The following EPHA6 variants were observed in gnomAD, a reference collection of about 807,000 sequenced individuals.
EPHA6 encodes the protein EPH receptor A6, also known as ephrin type-A receptor 6.
EPHA6 carries 50 observed loss-of-function variants against 112.0 expected under a neutral mutation model. The observed-to-expected ratio is 0.45, with a 90% CI of 0.36 to 0.56. The LOEUF is 0.56. Among genes scored for constraint, EPHA6 ranks in the 20% least tolerant of loss-of-function variants. EPHA6 has a pLI of 0.00. For missense variants in EPHA6, 1,280 were observed against 1,417.4 expected, an observed-to-expected ratio of 0.90 and a Z score of 1.56; for synonymous variants, 529 against 490.7, an observed-to-expected ratio of 1.08 and a Z score of -1.03.
intron 1 of EPHA6, among the ~76,000 whole-genome samples, chr3:96,832,011 G>A (rs920246077): frequency 6.6e-6 from 1 of 152,006 alleles, no homozygotes; most frequent in African/African-American, 2.4e-5. Context: ...AGTGGGTCAA[G>A]CCCCTGCATC....
At chr3:96,975,032 G>A (rs2042466853) in intron 2 of EPHA6, among the ~76,000 whole-genome samples, 1 of 152,092 alleles carries the variant, frequency 6.6e-6, no homozygotes, top group South Asian at 2.1e-4. Flanking sequence ...GGGCAATCTA[G>A]GCTAGAGCCT....
At chr3:97,067,833 G>A (rs2046226002) in intron 3 of EPHA6, among the ~76,000 whole-genome samples, 1 of 151,928 alleles carries the variant, frequency 6.6e-6, no homozygotes, top group African/African-American at 2.4e-5. Context: ...GAGGTAAGTA[G>A]CACTAGTTCA....
chr3:97,124,020 G>T (rs1259831570), intron 3 of EPHA6, among the ~76,000 whole-genome samples: 2 of 151,962 alleles, frequency 1.3e-5, no homozygotes, highest in Non-Finnish European at 2.9e-5. Context: ...TCTATGGAAT[G>T]CATTTGTATC....
chr3:97,612,374 T>C, intron 13 of EPHA6: 2 of 404,806 alleles, frequency 4.9e-6, no homozygotes, highest in South Asian at 1.8e-5. Context: ...TATTTTTGTA[T>C]CAGCTGTATC....
chr3:96,870,245 A>G (rs988827756), intron 2 of EPHA6, among the ~76,000 whole-genome samples: 5 of 152,040 alleles, frequency 3.3e-5, no homozygotes, highest in Admixed American at 6.6e-5. Context: ...AAGAACGAGG[A>G]AAGTTGGTGG....
At chr3:96,997,433 A>G (rs1311676428) in intron 3 of EPHA6, among the ~76,000 whole-genome samples, 1 of 151,990 alleles carries the variant, frequency 6.6e-6, no homozygotes, top group Non-Finnish European at 1.5e-5. Flanking sequence ...TTTAAGTAAG[A>G]GAAGTGTATC....
intron 3 of EPHA6, among the ~76,000 whole-genome samples, chr3:97,058,088 G>T (rs1313218704): frequency 6.6e-6 from 1 of 152,046 alleles, no homozygotes; most frequent in Admixed American, 6.6e-5. Flanking sequence ...GACCATTGCA[G>T]AGAGAAATAG....
chr3:96,957,546 A>G (rs182375597), intron 2 of EPHA6, among the ~76,000 whole-genome samples: 1 of 152,240 alleles, frequency 6.6e-6, no homozygotes, highest in Non-Finnish European at 1.5e-5. Context: ...ACTAGAAGTT[A>G]TTAAATTTCA....
intron 3 of EPHA6, among the ~76,000 whole-genome samples, chr3:97,148,493 A>G (rs2076095023): frequency 6.6e-6 from 1 of 152,092 alleles, no homozygotes; most frequent in Non-Finnish European, 1.5e-5. Flanking sequence ...TCTTTTTCAA[A>G]AATTTGAGGG....
chr3:97,272,643 T>C (rs2079927386), intron 5 of EPHA6, among the ~76,000 whole-genome samples: 1 of 151,554 alleles, frequency 6.6e-6, no homozygotes, highest in Non-Finnish European at 1.5e-5. Context: ...GGGGGTGTTC[T>C]CTGGCAGGCA....
At chr3:97,645,631 GTT>G in intron 14 of EPHA6, among the ~76,000 whole-genome samples, 1 of 151,598 alleles carries the variant, frequency 6.6e-6, no homozygotes, top group South Asian at 2.1e-4. Context: ...TAACCTGCAC[GTT>G]GTGCACATGT....
At chr3:96,946,883 G>A (rs1384328615) in intron 2 of EPHA6, among the ~76,000 whole-genome samples, 1 of 152,186 alleles carries the variant, frequency 6.6e-6, no homozygotes, top group Non-Finnish European at 1.5e-5. Context: ...GGTGTGAAGT[G>A]ATATCTCACT....
intron 2 of EPHA6, among the ~76,000 whole-genome samples, chr3:96,916,700 T>C (rs571012222): frequency 2.0e-5 from 3 of 152,262 alleles, no homozygotes; most frequent in Admixed American, 6.5e-5. Context: ...CCTAATATCA[T>C]AGATTACGTC....
In EPHA6 at chr3:97,405,398, C is replaced by A. The variant is rs980261582; in HGVS notation, c.1731+124C>A. 1.3e-5 allele frequency: 10 copies of A among 746,140 alleles called. No individual in the cohort carries two copies. The African/African-American group carries it at 1.6e-4, about 12-fold the overall frequency. The allele number at this position is 746,140 out of a possible 1,614,324, so 46.2% of individuals were successfully genotyped here. On this transcript the variant is annotated intron_variant, in intron 6 of 17. Coordinates refer to ENST00000389672, the MANE Select transcript of EPHA6 (RefSeq NM_001080448.3). ...TGTTCTTCTTTGGCCTAGCCTCATACCTTCTGTTTCTTTGAATCCTCTCTA... is the reference window on the plus strand; with the variant it reads ...TGTTCTTCTTTGGCCTAGCCTCATAACTTCTGTTTCTTTGAATCCTCTCTA...
At chr3:97,688,008 C>T (rs992720527) in intron 14 of EPHA6, among the ~76,000 whole-genome samples, 10 of 152,188 alleles carry the variant, frequency 6.6e-5, no homozygotes, top group South Asian at 2.1e-4. Context: ...AACCAAGTCT[C>T]CTGCCAAGCT....
intron 5 of EPHA6, among the ~76,000 whole-genome samples, chr3:97,290,141 T>A (rs751948381): frequency 1.3e-5 from 2 of 152,170 alleles, no homozygotes; most frequent in Non-Finnish European, 2.9e-5. Flanking sequence ...CCAGAGATTT[T>A]GGTATGATGG....
chr3:96,848,488 G>A (rs1042477552), intron 1 of EPHA6, among the ~76,000 whole-genome samples: 1 of 151,968 alleles, frequency 6.6e-6, no homozygotes, highest in Non-Finnish European at 1.5e-5. Context: ...TTAGCTGGGT[G>A]TGTTAGTGTG....
intron 2 of EPHA6, among the ~76,000 whole-genome samples, chr3:96,975,217 A>G (rs754873197): frequency 2.0e-4 from 30 of 152,214 alleles, no homozygotes; most frequent in Admixed American, 5.9e-4. Context: ...GTGTGAGAGT[A>G]ACACATCATA....
intron 13 of EPHA6, among the ~76,000 whole-genome samples, chr3:97,628,554 A>G (rs1317870175): frequency 6.6e-6 from 1 of 152,036 alleles, no homozygotes; most frequent in Non-Finnish European, 1.5e-5. Context: ...TTCAATTTTT[A>G]CCATTAAAAA....
Sources: gnomAD v4.1 joint callset for allele counts (sites outside exome capture counted in the v4.1 genomes callset) on GRCh38, gnomAD v4.1.1 for gene constraint, MANE v1.5 for transcripts, NCBI Gene and HGNC (gene_info 2026-07-23, HGNC 2026-07-21) for gene names.